The following LRMDA variants were observed in gnomAD, a reference collection of about 807,000 sequenced individuals.
LRMDA encodes the protein leucine-rich melanocyte differentiation-associated protein.
In LRMDA, 18 loss-of-function variants were observed where a neutral mutation model predicts 29.8. That is an observed-to-expected ratio of 0.60 (90% CI 0.42 to 0.90). The LOEUF is 0.90. Ranked by LOEUF, LRMDA falls within the 40% of genes least tolerant of loss-of-function variation. LRMDA has a pLI of 0.00. For missense variants in LRMDA, 273 were observed against 273.9 expected, an observed-to-expected ratio of 1.00 and a Z score of 0.02; for synonymous variants, 125 against 109.4, an observed-to-expected ratio of 1.14 and a Z score of -0.89.
At chr10:76,068,952 A>G (rs1279593332) in intron 5 of LRMDA, among the ~76,000 whole-genome samples, 1 of 152,224 alleles carries the variant, frequency 6.6e-6, no homozygotes, top group Admixed American at 6.5e-5. Context: ...AAAAGAAATT[A>G]TCTCTGCCCT....
chr10:76,086,498 G>T (rs1244911604), intron 5 of LRMDA, among the ~76,000 whole-genome samples: 6 of 152,170 alleles, frequency 3.9e-5, no homozygotes, highest in African/African-American at 1.4e-4. Flanking sequence ...GAGCAGTTTA[G>T]CTTAGGCATG....
At chr10:75,734,633 A>G (rs1460902278) in intron 2 of LRMDA, among the ~76,000 whole-genome samples, 1 of 152,214 alleles carries the variant, frequency 6.6e-6, no homozygotes, top group Non-Finnish European at 1.5e-5. Context: ...TTTATTGAGT[A>G]CCTGCTCTTT....
At chr10:75,688,722 G>A (rs1290217372) in intron 2 of LRMDA, among the ~76,000 whole-genome samples, 1 of 152,138 alleles carries the variant, frequency 6.6e-6, no homozygotes, top group African/African-American at 2.4e-5. Flanking sequence ...GAACTCTTTC[G>A]TGAAAGGAAG....
chr10:76,444,414 G>A (rs775529897), intron 6 of LRMDA, among the ~76,000 whole-genome samples: 29 of 152,314 alleles, frequency 1.9e-4, no homozygotes, highest in Admixed American at 4.6e-4. Flanking sequence ...GCCCTGGTCT[G>A]AGTTCAGTGT....
chr10:75,765,715 T>G (rs1843154964), intron 2 of LRMDA, among the ~76,000 whole-genome samples: 1 of 152,022 alleles, frequency 6.6e-6, no homozygotes. Flanking sequence ...GAGGAATTTA[T>G]GGGACCCAGA....
intron 2 of LRMDA, among the ~76,000 whole-genome samples, chr10:75,499,801 A>T (rs1845091885): frequency 6.6e-6 from 1 of 152,138 alleles, no homozygotes; most frequent in Middle Eastern, 3.2e-3. Context: ...GATGGGTAAC[A>T]CTGCTTTCTC....
intron 6 of LRMDA, among the ~76,000 whole-genome samples, chr10:76,329,829 G>A (rs761672275): frequency 5.3e-5 from 8 of 152,126 alleles, no homozygotes; most frequent in East Asian, 3.8e-4. Context: ...GAAAAAGACC[G>A]AAAGAAAAAC....
chr10:76,171,182 A>G (rs148370580), intron 5 of LRMDA, among the ~76,000 whole-genome samples: 7 of 152,314 alleles, frequency 4.6e-5, no homozygotes, highest in African/African-American at 1.7e-4. Flanking sequence ...CTCTTATGCT[A>G]TGCCTACCCT....
chr10:76,479,782 C>T (rs761279620), intron 6 of LRMDA, among the ~76,000 whole-genome samples: 1 of 151,794 alleles, frequency 6.6e-6, no homozygotes, highest in Admixed American at 6.6e-5. Flanking sequence ...CATTTAGTTC[C>T]TCATTTTTTT....
chr10:76,236,513 G>C (rs1343680144), intron 5 of LRMDA, among the ~76,000 whole-genome samples: 1 of 152,180 alleles, frequency 6.6e-6, no homozygotes, highest in African/African-American at 2.4e-5. Context: ...TCATCTCCCT[G>C]TCCCATGACT....
rs531644619 is a variant in LRMDA at position 75,591,274 on chromosome 10, A to G, written c.131+152780A>G. Among the ~76,000 whole-genome samples, 14 of 152,322 alleles carry G rather than the reference A, an allele frequency of 9.2e-5. 1 individual carries two copies. In the South Asian group the frequency reaches 2.9e-3, roughly 32 times the overall value. On this transcript the variant is annotated intron_variant, in intron 2 of 6. Coordinates refer to ENST00000611255, the MANE Select transcript of LRMDA (RefSeq NM_001305581.2). The stretch of plus-strand genomic sequence containing the variant: ...GATGCAAATATGGCTCAACATGTTA[A>G]GACTTGACAAAGTTGGGTGGGTACA...
At chr10:76,317,985 G>T (rs1406691149) in intron 5 of LRMDA, among the ~76,000 whole-genome samples, 2 of 152,072 alleles carry the variant, frequency 1.3e-5, no homozygotes, top group African/African-American at 4.8e-5. Flanking sequence ...TTAATGCTAG[G>T]TAATTAATAT....
chr10:75,652,467 T>C (rs1238938083), intron 2 of LRMDA, among the ~76,000 whole-genome samples: 1 of 152,272 alleles, frequency 6.6e-6, no homozygotes, highest in Non-Finnish European at 1.5e-5. Context: ...TCTGACTATA[T>C]CACAGTGCTT....
intron 5 of LRMDA, among the ~76,000 whole-genome samples, chr10:76,253,944 T>G (rs890606876): frequency 2.6e-5 from 4 of 152,216 alleles, no homozygotes; most frequent in African/African-American, 9.6e-5. Context: ...AATTTCATGA[T>G]GGAGAAAATA....
At chr10:76,235,431 G>T (rs1589387552) in intron 5 of LRMDA, among the ~76,000 whole-genome samples, 1 of 152,156 alleles carries the variant, frequency 6.6e-6, no homozygotes, top group Non-Finnish European at 1.5e-5. Flanking sequence ...TGGGAAAAAT[G>T]GTGTTGGTAG....
chr10:76,403,740 G>T (rs1456570266), intron 6 of LRMDA, among the ~76,000 whole-genome samples: 1 of 152,072 alleles, frequency 6.6e-6, no homozygotes, highest in Non-Finnish European at 1.5e-5. Flanking sequence ...GTTCATGATG[G>T]TTATGCTTCT....
chr10:75,913,101 T>G (rs1428181346), intron 2 of LRMDA, among the ~76,000 whole-genome samples: 2 of 152,130 alleles, frequency 1.3e-5, no homozygotes, highest in African/African-American at 4.8e-5. Flanking sequence ...AAAAAACTGC[T>G]AGTAGTTTTT....
intron 2 of LRMDA, among the ~76,000 whole-genome samples, chr10:75,936,241 G>T (rs1846290732): frequency 6.6e-6 from 1 of 152,148 alleles, no homozygotes; most frequent in African/African-American, 2.4e-5. Flanking sequence ...GATAGGGAGG[G>T]AGGTGACCTG....
chr10:75,939,566 A>AGAAC (rs1846353131), intron 2 of LRMDA, among the ~76,000 whole-genome samples: 1 of 152,156 alleles, frequency 6.6e-6, no homozygotes, highest in Admixed American at 6.5e-5. Context: ...ATCTTCCCTG[A>AGAAC]GTTCTCACTG....
Sources: gnomAD v4.1 joint callset for allele counts (sites outside exome capture counted in the v4.1 genomes callset) on GRCh38, gnomAD v4.1.1 for gene constraint, MANE v1.5 for transcripts, NCBI Gene and HGNC (gene_info 2026-07-23, HGNC 2026-07-21) for gene names.